DNAH5: variants seen among roughly 807,000 people sequenced by gnomAD.
DNAH5 encodes the protein dynein axonemal heavy chain 5.
A neutral mutation model predicts 518.2 loss-of-function variants in DNAH5; 372 were observed. The ratio of observed to expected loss-of-function variants is 0.72; its 90% CI spans 0.66 to 0.78. The LOEUF is 0.78. Among genes scored for constraint, DNAH5 ranks in the 30% least tolerant of loss-of-function variants. DNAH5 has a pLI of 0.00. For missense variants in DNAH5, 5,523 were observed against 5,687.0 expected (o/e 0.97, Z 0.93); for synonymous variants, 2,039 against 2,025.9 (o/e 1.01, Z -0.17).
At chr5:13,745,119 A>C (rs1449801364) in intron 65 of DNAH5, among the ~76,000 whole-genome samples, 1 of 152,098 alleles carries the variant, frequency 6.6e-6, no homozygotes, top group African/African-American at 2.4e-5. Context: ...GACCAGCAGG[A>C]GCTATTGATC....
chr5:13,924,644 T>C (rs1777660210), intron 3 of DNAH5, among the ~76,000 whole-genome samples: 1 of 143,328 alleles, frequency 7.0e-6, no homozygotes, highest in Non-Finnish European at 1.5e-5. Context: ...CATTGCACTC[T>C]AGGCTGAGCA....
At chr5:13,964,909 C>T (rs1482644076) in intron 1 of DNAH5, among the ~76,000 whole-genome samples, 3 of 152,212 alleles carry the variant, frequency 2.0e-5, no homozygotes, top group African/African-American at 4.8e-5. Context: ...CTCTTTTGTC[C>T]CCTTTGTACC....
At position 13,841,079 on chromosome 5, in the gene DNAH5, G is replaced by C. The variant is rs1311080684; in HGVS notation, c.5536C>G (p.Leu1846Val). ...MIWTRDSEEA[L>V]RNAKFDKKIM... ...TTTTTATCAAACTTGGCATTTCTAAGGGCTTCTTCTGAATCCCGTGTCCAT... is the reference window on the plus strand; with the variant it reads ...TTTTTATCAAACTTGGCATTTCTAACGGCTTCTTCTGAATCCCGTGTCCAT... Residue 1846 changes from leucine (L) to valine (V), a missense_variant, in exon 34 of 79, where the codon CTT (leucine) becomes GTT (valine). By Grantham distance (32) the Leu-to-Val change is conservative. This residue lies in a region of DNAH5 where 5,121 missense variants were observed against 5,223.3 expected (regional missense o/e 0.98). Transcript: ENST00000265104. The C allele has an allele frequency of 1.3e-5, 21 of 1,613,888 alleles. No homozygotes were observed. Among genetic ancestry groups the C allele is most frequent in the Admixed American group, 3.3e-5 (2 of 60,002 alleles).
intron 61 of DNAH5, among the ~76,000 whole-genome samples, chr5:13,756,402 T>C (rs1030782780): frequency 6.6e-6 from 1 of 152,182 alleles, no homozygotes; most frequent in African/African-American, 2.4e-5. Flanking sequence ...AGAGCCATGA[T>C]GTTACAGTTC....
At chr5:14,004,802 G>A (rs1292474965) in intron 1 of DNAH5, among the ~76,000 whole-genome samples, 1 of 152,178 alleles carries the variant, frequency 6.6e-6, no homozygotes, top group Non-Finnish European at 1.5e-5. Context: ...TTAGGCAACT[G>A]ACTTAACCTC....
chr5:13,976,867 G>A (rs796775891), intron 1 of DNAH5, among the ~76,000 whole-genome samples: 5 of 152,114 alleles, frequency 3.3e-5, no homozygotes, highest in African/African-American at 1.2e-4. Context: ...TGATGAAAGT[G>A]ACTTCATCAT....
rs1740596718 is a variant in DNAH5, at chr5:13,690,489, G to T, written c.*1495C>A. The T allele has an allele frequency of 6.6e-6, 1 of 152,106 alleles. No individual in the cohort carries two copies. Among genetic ancestry groups the T allele is most frequent in the South Asian group, 2.1e-4 (1 of 4,820 alleles). 9.4% of individuals were successfully genotyped at this position (152,106 alleles called of 1,614,324 possible). A position where few individuals can be genotyped will look rare whatever the true frequency, so the allele number is the denominator to read the frequency against. On this transcript the variant is annotated 3_prime_UTR_variant, in exon 79 of 79. Coordinates refer to ENST00000265104, the MANE Select transcript of DNAH5 (RefSeq NM_001369.3). Reference sequence around the variant, plus strand: ...GAAAACAGTATCATCTAAGATGGTGGGAGTCACAGGAGCCACTCAGTCCTA... The same window carrying T: ...GAAAACAGTATCATCTAAGATGGTGTGAGTCACAGGAGCCACTCAGTCCTA...
intron 56 of DNAH5, among the ~76,000 whole-genome samples, chr5:13,769,950 C>T (rs910174669): frequency 6.6e-6 from 1 of 152,180 alleles, no homozygotes; most frequent in African/African-American, 2.4e-5. Flanking sequence ...ATGCTTAAAG[C>T]TCAGTCATGC....
At chr5:13,860,126 A>T (rs1768196386) in intron 29 of DNAH5, among the ~76,000 whole-genome samples, 3 of 152,092 alleles carry the variant, frequency 2.0e-5, no homozygotes, top group African/African-American at 7.2e-5. Flanking sequence ...CAACCCACTC[A>T]TGTTTGATGT....
chr5:13,736,108 C>A (rs1747374609), intron 66 of DNAH5, among the ~76,000 whole-genome samples, 176 bp from the exon 67 acceptor site: 1 of 152,180 alleles, frequency 6.6e-6, no homozygotes, highest in Non-Finnish European at 1.5e-5. Context: ...TTATTTACAA[C>A]ATTTTGTAAG....
chr5:13,934,326 GCACCTGCAGAAGAAC>G (rs1778713705), intron 1 of DNAH5, among the ~76,000 whole-genome samples: 1 of 152,116 alleles, frequency 6.6e-6, no homozygotes, highest in Non-Finnish European at 1.5e-5. Context: ...CCAGCCAATG[GCACCTGCAGAAGAAC>G]CACCCAGCAG....
At chr5:13,920,704 C>G (rs1475735394) in intron 5 of DNAH5, 87 bp from the exon 6 acceptor site, 2 of 1,487,798 alleles carry the variant, frequency 1.3e-6, no homozygotes, top group East Asian at 4.6e-5. Flanking sequence ...TTGCTGCACT[C>G]TGACAGCGCT....
Position 13,707,997 on chromosome 5 carries a change from AG to A in DNAH5, c.13338+125del. ...CTATGGTCTAAAAATACAGGGCTAC[AG>A]GGGGCTTCGTCCCTGTGCAAAAGAA... On this transcript the variant is annotated intron_variant, in intron 76 of 78. Transcript: ENST00000265104. The surrounding 1 kb of genome is among the most constrained non-coding windows in gnomAD (Gnocchi z 4.0). 1 of 1,133,740 alleles carries A rather than the reference AG, an allele frequency of 8.8e-7. No individual in the cohort carries two copies. Among genetic ancestry groups the A allele is most frequent in the Non-Finnish European group, 1.3e-6 (1 of 753,096 alleles). The allele number at this position is 1,133,740 out of a possible 1,614,324, so 70.2% of individuals were successfully genotyped here. A position where few individuals can be genotyped will look rare whatever the true frequency, so the allele number is the denominator to read the frequency against.
intron 17 of DNAH5, among the ~76,000 whole-genome samples, chr5:13,888,686 G>T (rs1224875785): frequency 6.6e-6 from 1 of 152,202 alleles, no homozygotes; most frequent in Non-Finnish European, 1.5e-5. Context: ...AAGTGAAATT[G>T]GTAGTACTGC....
In DNAH5 at chr5:13,717,351, G is replaced by A. The variant is rs1744441216; in HGVS notation, c.12669C>T (p.Phe4223=). The change falls in exon 73 of 79, where the codon TTC becomes TTT. Residue 4223 remains phenylalanine, a synonymous_variant. Transcript: ENST00000265104. Reference sequence around the variant, plus strand: ...CCATGTCATCCAAGTGGTTTTGGATGAACTGCACAGTGGCATTAAAGTCCG... The same window carrying A: ...CCATGTCATCCAAGTGGTTTTGGATAAACTGCACAGTGGCATTAAAGTCCG... The part of the protein sequence containing the change: ...NQADFNATVQ[F]IQNHLDDMDV... The A allele has an allele frequency of 6.2e-7, 1 of 1,614,026 alleles. No homozygotes were observed. Among genetic ancestry groups the A allele is most frequent in the Non-Finnish European group, 8.5e-7 (1 of 1,180,008 alleles).
intron 1 of DNAH5, among the ~76,000 whole-genome samples, chr5:13,941,592 A>C (rs1220818375): frequency 6.6e-6 from 1 of 152,196 alleles, no homozygotes; most frequent in African/African-American, 2.4e-5. Flanking sequence ...ATCTGAGAGC[A>C]AAGGTTCTTT....
intron 65 of DNAH5, among the ~76,000 whole-genome samples, chr5:13,738,632 A>T (rs1195554458): frequency 6.6e-6 from 1 of 152,132 alleles, no homozygotes; most frequent in African/African-American, 2.4e-5. Context: ...AGACAGAGGA[A>T]GAGAAGGACA....
intron 35 of DNAH5, among the ~76,000 whole-genome samples, chr5:13,838,860 A>T (rs1364463927): frequency 6.6e-6 from 1 of 152,096 alleles, no homozygotes; most frequent in Non-Finnish European, 1.5e-5. Flanking sequence ...GGGAGGTTGC[A>T]GTGGCAGGTG....
chr5:13,937,671 T>C (rs1476215168), intron 1 of DNAH5, among the ~76,000 whole-genome samples: 1 of 99,720 alleles, frequency 1.0e-5, no homozygotes, highest in Non-Finnish European at 2.0e-5. Flanking sequence ...AGCCAAAGAA[T>C]ATTTGGTTGT....
Sources: gnomAD v4.1 joint callset for allele counts (sites outside exome capture counted in the v4.1 genomes callset) on GRCh38, gnomAD v4.1.1 for gene constraint, gnomAD v4.1.1 regional missense constraint, Gnocchi (gnomAD v3.1) non-coding constraint, MANE v1.5 for transcripts, NCBI Gene and HGNC (gene_info 2026-07-23, HGNC 2026-07-21) for gene names.